Variants in RALYL observed in about 807,000 individuals in gnomAD.
RALYL encodes RALY RNA binding protein like.
Under a neutral mutation model 35.1 loss-of-function variants are expected in RALYL, and 29 were observed. The ratio of observed to expected loss-of-function variants is 0.83; its 90% CI spans 0.61 to 1.13. The LOEUF (loss-of-function observed/expected upper bound fraction) is 1.13, where lower values mean the gene tolerates loss of function less well. Among genes scored for constraint, RALYL ranks in the 50% most tolerant of loss-of-function variants. RALYL has a pLI of 0.00. For synonymous variants in RALYL, 120 were observed against 127.6 expected (o/e 0.94, Z 0.40); for missense variants, 359 against 360.4 (o/e 1.00, Z 0.03).
chr8:84,717,405 T>A (rs1053641351), intron 2 of RALYL, among the ~76,000 whole-genome samples: 1 of 152,194 alleles, frequency 6.6e-6, no homozygotes, highest in African/African-American at 2.4e-5. Context: ...ACTATTTCTC[T>A]TAGATTACTA....
chr8:84,316,413 A>T (rs997270092), intron 1 of RALYL, among the ~76,000 whole-genome samples: 8 of 152,118 alleles, frequency 5.3e-5, no homozygotes, highest in African/African-American at 1.9e-4. Flanking sequence ...ATATTTCCAT[A>T]AGTGAAGTCA....
At chr8:84,696,312 C>T (rs1451938772) in intron 2 of RALYL, among the ~76,000 whole-genome samples, 2 of 151,412 alleles carry the variant, frequency 1.3e-5, no homozygotes, top group Non-Finnish European at 3.0e-5. Context: ...ACTGAAAACA[C>T]ATGTGATCAT....
intron 1 of RALYL, among the ~76,000 whole-genome samples, chr8:84,296,334 T>A (rs921970221): frequency 2.0e-5 from 3 of 152,078 alleles, no homozygotes; most frequent in African/African-American, 7.2e-5. Context: ...AAGACTTAGA[T>A]CAGAGAATTC....
intron 2 of RALYL, among the ~76,000 whole-genome samples, chr8:84,580,927 A>C (rs373354819): frequency 7.4e-4 from 112 of 152,214 alleles, no homozygotes; most frequent in Non-Finnish European, 9.0e-4. Context: ...GGAATGGCTC[A>C]ATATCTGGGA....
At chr8:84,644,335 A>C (rs987245432) in intron 2 of RALYL, among the ~76,000 whole-genome samples, 3 of 152,076 alleles carry the variant, frequency 2.0e-5, no homozygotes, top group African/African-American at 7.2e-5. Flanking sequence ...TCATACACTT[A>C]ACAAATATTG....
At chr8:84,605,872 T>C (rs1000746934) in intron 2 of RALYL, among the ~76,000 whole-genome samples, 2 of 152,098 alleles carry the variant, frequency 1.3e-5, no homozygotes, top group Admixed American at 1.3e-4. Context: ...CTAAGTAGCA[T>C]AAATATTTCC....
chr8:84,296,623 ATTTTTTTTTTTT>A (rs397891420), intron 1 of RALYL, among the ~76,000 whole-genome samples: 3 of 76,640 alleles, frequency 3.9e-5, no homozygotes, highest in African/African-American at 1.0e-4. Flanking sequence ...TCTCTCTTGC[ATTTTTTTTTTTT>A]TTTTTTTTTT....
At chr8:84,559,191 G>A (rs1000836862) in intron 2 of RALYL, among the ~76,000 whole-genome samples, 2 of 151,500 alleles carry the variant, frequency 1.3e-5, no homozygotes, top group Non-Finnish European at 1.5e-5. Context: ...ATGTTTTTCT[G>A]TTCATATTAA....
intron 2 of RALYL, among the ~76,000 whole-genome samples, chr8:84,630,456 G>A (rs867412660): frequency 2.0e-5 from 3 of 152,000 alleles, no homozygotes; most frequent in Non-Finnish European, 4.4e-5. Context: ...TGATGAGTCA[G>A]TTTGATTGCT....
At chr8:84,661,604 TC>T (rs1327769669) in intron 2 of RALYL, among the ~76,000 whole-genome samples, 5 of 150,262 alleles carry the variant, frequency 3.3e-5, no homozygotes, top group East Asian at 1.9e-4. Flanking sequence ...TTTTTTTTTT[TC>T]GTGCTACATT....
At chr8:84,244,207 A>T (rs1828604445) in intron 1 of RALYL, among the ~76,000 whole-genome samples, 1 of 152,166 alleles carries the variant, frequency 6.6e-6, no homozygotes, top group Non-Finnish European at 1.5e-5. Context: ...GTGGATGAGT[A>T]TATTAAGATT....
rs77031715 is a variant in RALYL at position 84,216,472 on chromosome 8, G to A, written c.-24+32048G>A. Among the ~76,000 whole-genome samples the A allele has an allele frequency of 8.7e-3, 1,326 of 152,070 alleles. 23 individuals carry two copies. Among genetic ancestry groups the A allele is most frequent in the African/African-American group, 0.028 (1,158 of 41,498 alleles). ...TTAAGGTATGCAACAAGATGTTATG[G>A]GCTATGTATAGTTAGTAAAATATTT... On this transcript the variant is annotated intron_variant, in intron 1 of 8. Coordinates refer to ENST00000521268, the MANE Select transcript of RALYL (RefSeq NM_173848.7).
chr8:84,492,954 C>T (rs2055515809), intron 1 of RALYL, among the ~76,000 whole-genome samples: 1 of 151,990 alleles, frequency 6.6e-6, no homozygotes, highest in East Asian at 1.9e-4. Flanking sequence ...GCAGAATGTG[C>T]AGGTTTGTTA....
intron 2 of RALYL, among the ~76,000 whole-genome samples, chr8:84,756,612 T>C (rs1811467771): frequency 6.6e-6 from 1 of 152,142 alleles, no homozygotes; most frequent in Admixed American, 6.6e-5. Flanking sequence ...TAATAATTTA[T>C]ACAACGTCAC....
intron 1 of RALYL, among the ~76,000 whole-genome samples, chr8:84,304,019 G>A (rs1252725576): frequency 6.6e-6 from 1 of 151,956 alleles, no homozygotes; most frequent in African/African-American, 2.4e-5. Flanking sequence ...GAATTCTACT[G>A]ATAAAATATA....
chr8:84,411,632 C>T (rs2044111611), intron 1 of RALYL, among the ~76,000 whole-genome samples: 1 of 151,940 alleles, frequency 6.6e-6, no homozygotes. Flanking sequence ...ATGTAAAGCA[C>T]TTAACAAAAT....
intron 1 of RALYL, among the ~76,000 whole-genome samples, chr8:84,500,833 A>G (rs1286172268): frequency 6.6e-6 from 1 of 152,170 alleles, no homozygotes; most frequent in Non-Finnish European, 1.5e-5. Flanking sequence ...ATCCCCGCTG[A>G]GTAGATTTTG....
chr8:84,304,503 T>G (rs1363324129), intron 1 of RALYL, among the ~76,000 whole-genome samples: 2 of 152,220 alleles, frequency 1.3e-5, no homozygotes, highest in Non-Finnish European at 1.5e-5. Flanking sequence ...CTTTAGAAAA[T>G]GAGTTGTTCT....
At chr8:84,201,898 C>A (rs1038153388) in intron 1 of RALYL, among the ~76,000 whole-genome samples, 3 of 151,952 alleles carry the variant, frequency 2.0e-5, no homozygotes, top group African/African-American at 7.2e-5. Context: ...GTCTCTTTGT[C>A]CCTAAAAGAT....
Sources: gnomAD v4.1 joint callset for allele counts (sites outside exome capture counted in the v4.1 genomes callset) on GRCh38, gnomAD v4.1.1 for gene constraint, MANE v1.5 for transcripts, NCBI Gene and HGNC (gene_info 2026-07-23, HGNC 2026-07-21) for gene names.